Variants in ARHGAP6 observed in about 807,000 individuals in gnomAD.
ARHGAP6 encodes the protein rho GTPase-activating protein 6.
ARHGAP6 carries 16 observed loss-of-function variants against 55.7 expected under a neutral mutation model. The observed-to-expected ratio is 0.29, with a 90% CI of 0.19 to 0.44. The LOEUF is 0.44. Ranked by LOEUF, ARHGAP6 falls within the 20% of genes least tolerant of loss-of-function variation. ARHGAP6 has a pLI of 1.00. For synonymous variants in ARHGAP6, 382 were observed against 360.9 expected (o/e 1.06, Z -0.66); for missense variants, 698 against 808.9 (o/e 0.86, Z 1.66).
chrX:11,258,671 A>C, intron 1 of ARHGAP6, among the ~76,000 whole-genome samples: 1 of 111,823 alleles, frequency 8.9e-6, no homozygotes, highest in Non-Finnish European at 1.9e-5. Flanking sequence ...GCGATGCTTC[A>C]AGTTTACTTT....
chrX:11,567,682 G>A (rs769207776), intron 1 of ARHGAP6, among the ~76,000 whole-genome samples: 5 of 107,975 alleles, frequency 4.6e-5, no homozygotes, highest in African/African-American at 1.0e-4. Flanking sequence ...TTCTTTCTTT[G>A]ACAGGGTCTT....
intron 8 of ARHGAP6, among the ~76,000 whole-genome samples, chrX:11,170,693 G>A (rs1354363577): frequency 1.8e-5 from 2 of 111,375 alleles, no homozygotes; most frequent in African/African-American, 3.3e-5. Flanking sequence ...CCAAAGTTAC[G>A]GAGGGGGTGA....
In ARHGAP6 at chrX:11,304,777, C is replaced by CTTTTTT. The variant is rs953912280; in HGVS notation, c.589-50076_589-50071dup. ...AAGGATTTCATTTTTCTTTCTTTTA[C>CTTTTTT]TTTTTTTTTTTTTTTTTTTTTTTTT... On this transcript the variant is annotated intron_variant, in intron 1 of 12. Transcript: ENST00000337414. 2.5e-3 allele frequency among the ~76,000 whole-genome samples: 124 copies of CTTTTTT among 50,284 alleles called. 1 individual carries two copies. Among genetic ancestry groups the CTTTTTT allele is most frequent in the Non-Finnish European group, 3.2e-3 (88 of 27,110 alleles). The allele number at this position is 50,284 out of a possible 115,157, so 43.7% of individuals were successfully genotyped here.
chrX:11,209,730 A>C (rs1317597172), intron 2 of ARHGAP6, among the ~76,000 whole-genome samples: 1 of 112,015 alleles, frequency 8.9e-6, no homozygotes, highest in Non-Finnish European at 1.9e-5. Flanking sequence ...GCCTTACTTG[A>C]AAAGACCATC....
At chrX:11,287,299 T>C (rs1317031949) in intron 1 of ARHGAP6, among the ~76,000 whole-genome samples, 1 of 112,019 alleles carries the variant, frequency 8.9e-6, no homozygotes, top group Non-Finnish European at 1.9e-5. Context: ...TCTTATAATG[T>C]TATCATTTGA....
chrX:11,252,564 TTTC>T (rs1383828281), intron 2 of ARHGAP6, among the ~76,000 whole-genome samples: 2 of 112,280 alleles, frequency 1.8e-5, no homozygotes, highest in Non-Finnish European at 3.8e-5. Context: ...CCTAAGTGAT[TTTC>T]TTCTTATTTG....
At chrX:11,275,534 C>T (rs1569281761) in intron 1 of ARHGAP6, among the ~76,000 whole-genome samples, 1 of 111,682 alleles carries the variant, frequency 9.0e-6, no homozygotes, top group African/African-American at 3.3e-5. Context: ...TCCTTTAACA[C>T]TTCCTCTCTG....
At chrX:11,366,281 C>T (rs1050963529) in intron 1 of ARHGAP6, among the ~76,000 whole-genome samples, 10 of 112,332 alleles carry the variant, frequency 8.9e-5, no homozygotes, top group African/African-American at 3.2e-4. Context: ...GCAACTATGA[C>T]ATCATGGGCA....
chrX:11,298,494 T>C, intron 1 of ARHGAP6: 1 of 1,201,518 alleles, frequency 8.3e-7, no homozygotes, highest in Non-Finnish European at 1.1e-6. Flanking sequence ...CTGCTGCTTC[T>C]CTGGTTGGAG....
chrX:11,300,340 C>CA (rs1292853532), intron 1 of ARHGAP6, among the ~76,000 whole-genome samples: 122 of 111,394 alleles, frequency 1.1e-3, no homozygotes, highest in Middle Eastern at 4.7e-3. Flanking sequence ...TGGAGCCTGA[C>CA]ATGCAAGACG....
At chrX:11,549,482 C>T (rs979603291) in intron 1 of ARHGAP6, among the ~76,000 whole-genome samples, 4 of 112,051 alleles carry the variant, frequency 3.6e-5, no homozygotes, top group Non-Finnish European at 5.6e-5. Context: ...AGAAGGAAAG[C>T]AGAATTTTTA....
intron 1 of ARHGAP6, among the ~76,000 whole-genome samples, chrX:11,575,996 C>G (rs2051592419): frequency 8.9e-6 from 1 of 112,169 alleles, no homozygotes; most frequent in Non-Finnish European, 1.9e-5. Context: ...TATTTCACAG[C>G]TAAAATGCTG....
At chrX:11,243,315 C>T (rs937484487) in intron 2 of ARHGAP6, among the ~76,000 whole-genome samples, 15 of 111,423 alleles carry the variant, frequency 1.3e-4, no homozygotes, top group African/African-American at 4.6e-4. Context: ...GATGAGTTAT[C>T]ACCCCAAACT....
rs752448927 is a variant in ARHGAP6 at position 11,239,256 on chromosome X, T to TA, written c.748+15291dup. On this transcript the variant is annotated intron_variant, in intron 2 of 12. Coordinates refer to ENST00000337414, the MANE Select transcript of ARHGAP6 (RefSeq NM_013427.3). ...TGTAATTCTAAAATTATTCCAAAAT[T>TA]AAAAAAAAATAAGTCCTTTCTCCCA... is the stretch of plus-strand genomic sequence containing the variant. Among the ~76,000 whole-genome samples, 20 of 109,412 alleles carry TA rather than the reference T, an allele frequency of 1.8e-4. 1 individual carries two copies. In the South Asian group the frequency reaches 6.3e-3, roughly 34 times the overall value.
At chrX:11,559,104 C>T (rs1371733262) in intron 1 of ARHGAP6, among the ~76,000 whole-genome samples, 4 of 107,994 alleles carry the variant, frequency 3.7e-5, no homozygotes, top group Non-Finnish European at 7.6e-5. Context: ...TCCTCCAGAA[C>T]ATCAGAGTCC....
intron 1 of ARHGAP6, among the ~76,000 whole-genome samples, chrX:11,513,899 C>T (rs1377760126): frequency 9.0e-6 from 1 of 110,772 alleles, no homozygotes; most frequent in Non-Finnish European, 1.9e-5. Flanking sequence ...TCATGGCTTA[C>T]ACCCATAATC....
chrX:11,485,665 C>T (rs2050503942), intron 1 of ARHGAP6, among the ~76,000 whole-genome samples: 1 of 112,055 alleles, frequency 8.9e-6, no homozygotes, highest in Non-Finnish European at 1.9e-5. Context: ...TTTTATATGC[C>T]ATACCCATTC....
intron 1 of ARHGAP6, among the ~76,000 whole-genome samples, chrX:11,651,186 G>A (rs7474021): frequency 0.14 from 15,616 of 110,780 alleles, 1,014 homozygotes; most frequent in Middle Eastern, 0.27. Context: ...TTTGTTACAT[G>A]GGTAAACTTG....
intron 1 of ARHGAP6, among the ~76,000 whole-genome samples, chrX:11,338,554 C>T (rs2048667469): frequency 8.9e-6 from 1 of 111,785 alleles, no homozygotes; most frequent in Non-Finnish European, 1.9e-5. Flanking sequence ...TCCCCACTAA[C>T]AGAAGACTCT....
Sources: allele counts gnomAD v4.1 joint callset (sites outside exome capture counted in the v4.1 genomes callset), GRCh38; gene constraint gnomAD v4.1.1; transcripts MANE v1.5; gene names NCBI Gene and HGNC (gene_info 2026-07-23, HGNC 2026-07-21).